Variants in CDH13 observed in about 807,000 individuals in gnomAD.
CDH13 encodes the protein cadherin-13.
In CDH13, 24 loss-of-function variants were observed where a neutral mutation model predicts 63.8. The observed-to-expected ratio is 0.38, with a 90% CI of 0.27 to 0.53. The LOEUF (loss-of-function observed/expected upper bound fraction) is 0.53, where lower values mean the gene tolerates loss of function less well. Among genes scored for constraint, CDH13 ranks in the 20% least tolerant of loss-of-function variants. CDH13 has a pLI of 0.85. For synonymous variants in CDH13, 503 were observed against 355.3 expected, an observed-to-expected ratio of 1.42 and a Z score of -4.67; for missense variants, 1,049 against 903.1, an observed-to-expected ratio of 1.16 and a Z score of -2.07.
chr16:83,073,172 G>A (rs766776918), intron 3 of CDH13, among the ~76,000 whole-genome samples: 30 of 152,216 alleles, frequency 2.0e-4, no homozygotes, highest in Admixed American at 3.3e-4. Flanking sequence ...GCAGGCTTGC[G>A]TGGCTAGTGA....
chr16:82,735,158 G>T (rs748088539), intron 1 of CDH13, among the ~76,000 whole-genome samples: 6 of 152,156 alleles, frequency 3.9e-5, no homozygotes, highest in Non-Finnish European at 5.9e-5. Context: ...AAGGGGAAAG[G>T]CTTCAAAGAT....
chr16:83,259,364 G>T (rs564543615), intron 5 of CDH13, among the ~76,000 whole-genome samples: 3 of 152,252 alleles, frequency 2.0e-5, no homozygotes, highest in African/African-American at 4.8e-5. Context: ...TTCCATAAAG[G>T]TTAGATGGTG....
chr16:83,062,038 A>G (rs1245619752), intron 3 of CDH13, among the ~76,000 whole-genome samples: 1 of 152,154 alleles, frequency 6.6e-6, no homozygotes, highest in Non-Finnish European at 1.5e-5. Flanking sequence ...TTTTAGCAAA[A>G]CGGATGCTAT....
chr16:83,582,030 G>A (rs1905658320), intron 7 of CDH13, among the ~76,000 whole-genome samples: 1 of 152,162 alleles, frequency 6.6e-6, no homozygotes, highest in Admixed American at 6.5e-5. Context: ...GGTCCTGGGT[G>A]GGTGAATGTT....
chr16:82,920,719 C>T (rs1465683965), intron 2 of CDH13, among the ~76,000 whole-genome samples: 2 of 152,160 alleles, frequency 1.3e-5, no homozygotes, highest in Admixed American at 6.5e-5. Context: ...TTTTCCCCCT[C>T]TCTTGGCTTG....
intron 6 of CDH13, among the ~76,000 whole-genome samples, chr16:83,361,141 A>G (rs1470266878): frequency 6.6e-6 from 1 of 152,180 alleles, no homozygotes; most frequent in African/African-American, 2.4e-5. Flanking sequence ...AACTGGTGTG[A>G]CATGGTGTCT....
chr16:83,755,268 A>T (rs74034814), intron 11 of CDH13, among the ~76,000 whole-genome samples: 9 of 152,162 alleles, frequency 5.9e-5, no homozygotes, highest in African/African-American at 1.4e-4. Context: ...ATCTATAGCA[A>T]ACACCACAAG....
At chr16:83,103,444 C>A (rs186526260) in intron 3 of CDH13, among the ~76,000 whole-genome samples, 89 of 151,936 alleles carry the variant, frequency 5.9e-4, no homozygotes, top group African/African-American at 2.1e-3. Context: ...TGGGGTTTCA[C>A]CATGTTGGCC....
At position 83,493,374 on chromosome 16, in the gene CDH13, G is replaced by A. The variant is rs150133199; in HGVS notation, c.960+6719G>A. 3.1e-3 allele frequency among the ~76,000 whole-genome samples: 466 copies of A among 152,338 alleles called. 8 individuals carry two copies. Among genetic ancestry groups the A allele is most frequent in the African/African-American group, 0.011 (442 of 41,576 alleles). ...CTACAAAATTCAGCAATAAAAGCTA[G>A]TAAATAAGTATTGAGCACCACAAAT... On this transcript the variant is annotated intron_variant, in intron 7 of 13. Transcript: ENST00000567109.
intron 1 of CDH13, among the ~76,000 whole-genome samples, chr16:82,649,422 A>C (rs1362568606): frequency 1.3e-5 from 2 of 152,196 alleles, no homozygotes; most frequent in Non-Finnish European, 2.9e-5. Flanking sequence ...TCAAGAAGGA[A>C]GTGGCAGATA....
chr16:83,447,089 T>A (rs1307485301), intron 6 of CDH13, among the ~76,000 whole-genome samples: 6 of 126,348 alleles, frequency 4.7e-5, no homozygotes, highest in African/African-American at 1.2e-4. Flanking sequence ...AAACACCTTA[T>A]AGTAACCTTT....
At chr16:82,998,115 A>G (rs1293781282) in intron 2 of CDH13, among the ~76,000 whole-genome samples, 1 of 152,194 alleles carries the variant, frequency 6.6e-6, no homozygotes, top group Non-Finnish European at 1.5e-5. Flanking sequence ...TGTCCTTTCT[A>G]TGGCTTCAAA....
chr16:83,058,289 C>A (rs1443497020), intron 3 of CDH13, among the ~76,000 whole-genome samples: 2 of 152,126 alleles, frequency 1.3e-5, no homozygotes, highest in African/African-American at 4.8e-5. Context: ...TCGCTGCACT[C>A]ATCAAATAAA....
intron 9 of CDH13, among the ~76,000 whole-genome samples, chr16:83,677,630 C>G (rs187834170): frequency 6.6e-6 from 1 of 152,198 alleles, no homozygotes; most frequent in Non-Finnish European, 1.5e-5. Flanking sequence ...CATAGAGACC[C>G]TTTAACTTCA....
chr16:82,722,645 G>A (rs1237976564), intron 1 of CDH13, among the ~76,000 whole-genome samples: 1 of 152,194 alleles, frequency 6.6e-6, no homozygotes, highest in Non-Finnish European at 1.5e-5. Flanking sequence ...ACACTGGTAT[G>A]TGGAGAACAT....
chr16:83,201,138 T>C (rs2039018333), intron 4 of CDH13, among the ~76,000 whole-genome samples: 2 of 152,164 alleles, frequency 1.3e-5, no homozygotes, highest in Non-Finnish European at 1.5e-5. Context: ...TATGCATTCA[T>C]TTTCCTTTTT....
intron 1 of CDH13, among the ~76,000 whole-genome samples, chr16:82,633,824 T>C: frequency 6.6e-6 from 1 of 152,190 alleles, no homozygotes; most frequent in East Asian, 1.9e-4. Context: ...GCTCTGTAAA[T>C]ACTAGACTAA....
chr16:83,722,944 C>T (rs1909891143), intron 10 of CDH13, among the ~76,000 whole-genome samples: 1 of 152,216 alleles, frequency 6.6e-6, no homozygotes. Context: ...CTAAATCATG[C>T]ACCTGACAGG....
At chr16:83,178,147 G>C (rs767778129) in intron 4 of CDH13, among the ~76,000 whole-genome samples, 1 of 152,070 alleles carries the variant, frequency 6.6e-6, no homozygotes, top group African/African-American at 2.4e-5. Context: ...AAGTGAAAAA[G>C]GTTGATCCAG....
Sources: allele counts gnomAD v4.1 joint callset (sites outside exome capture counted in the v4.1 genomes callset), GRCh38; gene constraint gnomAD v4.1.1; transcripts MANE v1.5; gene names NCBI Gene and HGNC (gene_info 2026-07-23, HGNC 2026-07-21).